The following HADHB variants were observed in gnomAD, a reference collection of about 807,000 sequenced individuals.
HADHB encodes hydroxyacyl-CoA dehydrogenase trifunctional multienzyme complex subunit beta, also known as trifunctional enzyme subunit beta, mitochondrial.
HADHB carries 50 observed loss-of-function variants against 61.9 expected under a neutral mutation model. That is an observed-to-expected ratio of 0.81 (90% CI 0.64 to 1.02). HADHB has a LOEUF of 1.02. Ranked by LOEUF, HADHB falls within the 50% of genes least tolerant of loss-of-function variation. The pLI is 0.00. For synonymous variants in HADHB, 191 were observed against 201.6 expected (o/e 0.95, Z 0.45); for missense variants, 504 against 586.5 (o/e 0.86, Z 1.45).
chr2:26,262,408 G>T (rs570231454), intron 3 of HADHB, among the ~76,000 whole-genome samples: 4 of 152,116 alleles, frequency 2.6e-5, no homozygotes, highest in Admixed American at 2.0e-4. Flanking sequence ...TAAAAGAAAC[G>T]ATTTGAAAGT....
At chr2:26,289,366 G>A (rs1403489260) in intron 15 of HADHB, among the ~76,000 whole-genome samples, 1 of 152,118 alleles carries the variant, frequency 6.6e-6, no homozygotes, top group Non-Finnish European at 1.5e-5. Flanking sequence ...CCCAGCCTTT[G>A]GAATCATCTA....
At position 26,284,921 on chromosome 2, in the gene HADHB, T is replaced by C. The variant is rs541350589; in HGVS notation, c.1188T>C (p.Asp396=). The change falls in exon 14 of 16, where the codon GAT becomes GAC. Residue 396 remains aspartate, a synonymous_variant. Transcript: ENST00000317799. ...ILANFKAMDS[D]WFAENYMGRK... ...CAAATTTTAAAGCCATGGATTCTGA[T>C]TGGTTTGCAGAAAACTACATGGGTA... 5.0e-6 allele frequency: 8 copies of C among 1,600,366 alleles called. No individual in the cohort carries two copies. In the South Asian group the frequency reaches 5.5e-5, roughly 11 times the overall value.
chr2:26,274,787 T>G (rs1460900607), intron 6 of HADHB, among the ~76,000 whole-genome samples: 1 of 152,228 alleles, frequency 6.6e-6, no homozygotes, highest in African/African-American at 2.4e-5. Context: ...TAAGAGCACT[T>G]AAGATGTAAA....
intron 10 of HADHB, 49 bp downstream of exon 10, chr2:26,280,164 A>G: frequency 6.8e-7 from 1 of 1,461,632 alleles, no homozygotes; most frequent in Non-Finnish European, 9.6e-7. Flanking sequence ...CTATTTCTGT[A>G]CTCTCTGTAG....
intron 4 of HADHB, among the ~76,000 whole-genome samples, chr2:26,267,771 CAAAAAA>C (rs772133699): frequency 1.5e-5 from 1 of 67,472 alleles, no homozygotes; most frequent in Non-Finnish European, 3.2e-5. Flanking sequence ...GACTCTGTCT[CAAAAAA>C]AAAAAAAAAA....
chr2:26,290,256 A>G lies in HADHB; in HGVS notation c.*303A>G, dbSNP rs943491111. On this transcript the variant is annotated 3_prime_UTR_variant, in exon 16 of 16. Coordinates refer to ENST00000317799, the MANE Select transcript of HADHB (RefSeq NM_000183.3). The stretch of plus-strand genomic sequence containing the variant: ...GGGTTTGCAGTTGGGAAAGAGGTCA[A>G]CTGAGATTTGGAAATCATCTTTGTA... 6 of 437,278 alleles carry G rather than the reference A, an allele frequency of 1.4e-5. No individual in the cohort carries two copies. The highest frequency in any genetic ancestry group is 7.9e-5 in the African/African-American group (4 of 50,352). 27.1% of individuals were successfully genotyped at this position (437,278 alleles called of 1,614,324 possible).
chr2:26,265,657 T>C (rs1558348679), intron 4 of HADHB, among the ~76,000 whole-genome samples: 1 of 152,218 alleles, frequency 6.6e-6, no homozygotes, highest in Non-Finnish European at 1.5e-5. Context: ...TTCATTTACT[T>C]TTATTAAACA....
chr2:26,284,353 G>A, intron 13 of HADHB, 149 bp downstream of exon 13: 1 of 708,322 alleles, frequency 1.4e-6, no homozygotes, highest in Non-Finnish European at 2.6e-6. Context: ...TGCTGGGAGG[G>A]GCCCGAGGGG....
chr2:26,254,121 G>C, intron 1 of HADHB, 126 bp from the exon 2 acceptor site: 2 of 680,714 alleles, frequency 2.9e-6, no homozygotes, highest in Non-Finnish European at 5.4e-6. Context: ...ATGAAGAATA[G>C]TTGATAAGAT....
At chr2:26,258,540 C>A (rs1416493802) in intron 3 of HADHB, among the ~76,000 whole-genome samples, 1 of 152,166 alleles carries the variant, frequency 6.6e-6, no homozygotes, top group Non-Finnish European at 1.5e-5. Context: ...GACACCCTGC[C>A]AGATCCGAGG....
intron 7 of HADHB, among the ~76,000 whole-genome samples, chr2:26,277,783 T>C (rs542018044): frequency 3.0e-4 from 46 of 152,290 alleles, no homozygotes; most frequent in Admixed American, 1.2e-3. Flanking sequence ...CATGAGTAAA[T>C]AGTTTACAAC....
chr2:26,284,532 G>A (rs966738770), intron 13 of HADHB, among the ~76,000 whole-genome samples: 11 of 150,420 alleles, frequency 7.3e-5, no homozygotes, highest in African/African-American at 2.5e-4. Context: ...GCACGATCTC[G>A]GCTCACTGCA....
In HADHB at chr2:26,282,802, G is replaced by T. The variant is rs750769488; in HGVS notation, c.934-43G>T. 6 of 1,417,840 alleles carry T rather than the reference G, an allele frequency of 4.2e-6. No homozygotes were observed. The South Asian group carries it at 5.8e-5, about 14-fold the overall frequency. The allele number at this position is 1,417,840 out of a possible 1,614,324, so 87.8% of individuals were successfully genotyped here. ...TAAGATGGCTGGAGAAAGACCTCCAGACAGGCTGAAGAATTTTAACATTGT... is the reference window on the plus strand; with the variant it reads ...TAAGATGGCTGGAGAAAGACCTCCATACAGGCTGAAGAATTTTAACATTGT... On this transcript the variant is annotated intron_variant, in intron 10 of 15. Transcript: ENST00000317799.
intron 15 of HADHB, 94 bp downstream of exon 15, chr2:26,285,665 AT>A: frequency 1.4e-6 from 1 of 728,682 alleles, no homozygotes; most frequent in Non-Finnish European, 2.1e-6. Flanking sequence ...TTAAAGCAAT[AT>A]TTTTGATGAC....
At chr2:26,245,097 GA>G (rs1409425761) in intron 1 of HADHB, 107 bp downstream of exon 1, 1 of 214,160 alleles carries the variant, frequency 4.7e-6, no homozygotes, top group Non-Finnish European at 9.8e-6. Context: ...CCCTCCCTGG[GA>G]AAGTGGGAGT....
At chr2:26,253,845 C>T (rs1671496890) in intron 1 of HADHB, among the ~76,000 whole-genome samples, 1 of 140,912 alleles carries the variant, frequency 7.1e-6, no homozygotes, top group African/African-American at 2.6e-5. Context: ...AAGAGCAAAA[C>T]TCCATCTCAA....
intron 8 of HADHB, 112 bp from the exon 9 acceptor site, chr2:26,279,021 TGA>T: frequency 1.0e-6 from 1 of 987,890 alleles, no homozygotes; most frequent in Admixed American, 1.7e-5. Flanking sequence ...TGGACTTGAT[TGA>T]TTAATGGTAG....
chr2:26,279,108 C>G, intron 8 of HADHB, 27 bp from the exon 9 acceptor site: 2 of 1,588,388 alleles, frequency 1.3e-6, no homozygotes, highest in Non-Finnish European at 1.7e-6. Context: ...AACAGTGTAC[C>G]TGCTCCTTGG....
chr2:26,260,152 G>A (rs1393266898), intron 3 of HADHB, among the ~76,000 whole-genome samples: 1 of 147,370 alleles, frequency 6.8e-6, no homozygotes, highest in Non-Finnish European at 1.5e-5. Context: ...CATGATCTCA[G>A]CTTACGGCAA....
Sources: allele counts gnomAD v4.1 joint callset (sites outside exome capture counted in the v4.1 genomes callset), GRCh38; gene constraint gnomAD v4.1.1; transcripts MANE v1.5; gene names NCBI Gene and HGNC (gene_info 2026-07-23, HGNC 2026-07-21).